Variants in TASP1 observed in about 807,000 individuals in gnomAD.
TASP1 encodes the protein threonine aspartase 1.
A neutral mutation model predicts 56.6 loss-of-function variants in TASP1; 16 were observed. The ratio of observed to expected loss-of-function variants is 0.28; its 90% CI spans 0.19 to 0.43. TASP1 has a LOEUF of 0.43. Ranked by LOEUF, TASP1 falls within the 20% of genes least tolerant of loss-of-function variation. The pLI is 1.00. For missense variants in TASP1, 393 were observed against 511.6 expected, an observed-to-expected ratio of 0.77 and a Z score of 2.24; for synonymous variants, 179 against 184.2, an observed-to-expected ratio of 0.97 and a Z score of 0.23.
At chr20:13,255,773 A>G in the TASP1 span, among the ~76,000 whole-genome samples, 1 of 152,194 alleles carries the variant, frequency 6.6e-6, no homozygotes, top group Non-Finnish European at 1.5e-5. Context: ...CACCATGCAC[A>G]AATTGTACAA....
At chr20:13,435,394 G>A (rs1163103434) in intron 11 of TASP1, among the ~76,000 whole-genome samples, 1 of 152,110 alleles carries the variant, frequency 6.6e-6, no homozygotes, top group Non-Finnish European at 1.5e-5. Context: ...GGGAGGGAAT[G>A]TGCATTACTG....
the TASP1 span, among the ~76,000 whole-genome samples, chr20:13,383,179 T>C: frequency 9.8e-5 from 15 of 152,306 alleles, no homozygotes; most frequent in Admixed American, 7.2e-4. Flanking sequence ...CTGGAAGGTT[T>C]TGAGCAGACA....
chr20:13,229,987 C>T, the TASP1 span, among the ~76,000 whole-genome samples: 1 of 152,154 alleles, frequency 6.6e-6, no homozygotes, highest in African/African-American at 2.4e-5. Flanking sequence ...AATTCTATTT[C>T]TTAATTTTAT....
intron 1 of TASP1, among the ~76,000 whole-genome samples, chr20:13,633,530 G>A (rs1033906418): frequency 6.6e-6 from 1 of 152,126 alleles, no homozygotes; most frequent in Admixed American, 6.5e-5. Flanking sequence ...GAACTTCTGG[G>A]ATGCATAAGC....
At chr20:13,123,049 G>A in the TASP1 span, among the ~76,000 whole-genome samples, 1 of 152,098 alleles carries the variant, frequency 6.6e-6, no homozygotes, top group Non-Finnish European at 1.5e-5. Flanking sequence ...AACAATACTC[G>A]GCCAGGCGTG....
At chr20:13,347,200 G>T in the TASP1 span, among the ~76,000 whole-genome samples, 3 of 152,144 alleles carry the variant, frequency 2.0e-5, no homozygotes, top group Non-Finnish European at 4.4e-5. Context: ...GTCCTTCTTT[G>T]CTTCCCACAT....
the TASP1 span, chr20:13,299,778 G>A: frequency 1.9e-5 from 5 of 258,908 alleles, no homozygotes; most frequent in African/African-American, 1.1e-4. This position sits in a 1 kb window ranked among gnomAD's most constrained non-coding sequence, Gnocchi z 5.8. Flanking sequence ...CCCGGATCCA[G>A]AGTTTCAAAG....
chr20:13,121,535 G>T, the TASP1 span, among the ~76,000 whole-genome samples: 833 of 152,230 alleles, frequency 5.5e-3, 9 homozygotes, highest in African/African-American at 0.019. Context: ...AACAATCAGG[G>T]TTTTGAACTT....
chr20:13,226,450 G>A, the TASP1 span, among the ~76,000 whole-genome samples: 1 of 151,770 alleles, frequency 6.6e-6, no homozygotes, highest in African/African-American at 2.4e-5. Flanking sequence ...GTTTCACTTA[G>A]CTATTGCTGC....
At chr20:13,414,304 C>A (rs941987229) in intron 13 of TASP1, among the ~76,000 whole-genome samples, 7 of 152,170 alleles carry the variant, frequency 4.6e-5, no homozygotes, top group Non-Finnish European at 1.0e-4. Context: ...ACAAGTGATA[C>A]TGTATCCTCA....
At chr20:13,439,513 G>T (rs996174499) in intron 11 of TASP1, among the ~76,000 whole-genome samples, 1 of 152,086 alleles carries the variant, frequency 6.6e-6, no homozygotes, top group Non-Finnish European at 1.5e-5. Context: ...TTGTGGGGTC[G>T]GGGGAGTGGG....
chr20:13,190,285 A>G, the TASP1 span, among the ~76,000 whole-genome samples: 2 of 152,126 alleles, frequency 1.3e-5, no homozygotes, highest in Non-Finnish European at 2.9e-5. Context: ...TTGCATGTAA[A>G]AGAAAAGAAC....
chr20:13,282,738 A>C, the TASP1 span, among the ~76,000 whole-genome samples: 1 of 152,240 alleles, frequency 6.6e-6, no homozygotes, highest in Non-Finnish European at 1.5e-5. Context: ...GTACCTCTAA[A>C]GCAGTGCTTC....
intron 12 of TASP1, among the ~76,000 whole-genome samples, chr20:13,427,468 A>G (rs2042656062): frequency 6.6e-6 from 1 of 152,244 alleles, no homozygotes; most frequent in African/African-American, 2.4e-5. Flanking sequence ...CTTTCAGGTA[A>G]TTATGTGAGA....
chr20:13,595,515 A>T (rs1601383227), intron 4 of TASP1, among the ~76,000 whole-genome samples: 1 of 152,222 alleles, frequency 6.6e-6, no homozygotes, highest in East Asian at 1.9e-4. Context: ...GGCTCAAAAT[A>T]AAGGGGTGGA....
intron 11 of TASP1, among the ~76,000 whole-genome samples, chr20:13,476,618 T>C (rs932136589): frequency 6.6e-6 from 1 of 152,188 alleles, no homozygotes; most frequent in Admixed American, 6.5e-5. Flanking sequence ...GTTTTATTTA[T>C]CTGTGAATCT....
the TASP1 span, among the ~76,000 whole-genome samples, chr20:13,338,238 T>C: frequency 2.6e-5 from 4 of 152,114 alleles, no homozygotes; most frequent in Non-Finnish European, 5.9e-5. Flanking sequence ...TTAGACCACA[T>C]AGGGTAATTT....
At chr20:13,439,684 A>G (rs1485215884) in intron 11 of TASP1, among the ~76,000 whole-genome samples, 1 of 152,094 alleles carries the variant, frequency 6.6e-6, no homozygotes, top group Non-Finnish European at 1.5e-5. Flanking sequence ...ACAAAAGAGT[A>G]ACACAGGGAA....
At chr20:13,498,486 G>A (rs2043818955) in intron 10 of TASP1, among the ~76,000 whole-genome samples, 2 of 151,700 alleles carry the variant, frequency 1.3e-5, no homozygotes. Flanking sequence ...AGCCTCCCAA[G>A]TAGCTGGTAC....
Sources: allele counts gnomAD v4.1 joint callset (sites outside exome capture counted in the v4.1 genomes callset), GRCh38; gene constraint gnomAD v4.1.1; non-coding constraint Gnocchi (gnomAD v3.1); transcripts MANE v1.5; gene names NCBI Gene and HGNC (gene_info 2026-07-23, HGNC 2026-07-21).